Variants in TMPRSS9 observed in about 807,000 individuals in gnomAD.
TMPRSS9 encodes the protein transmembrane protease serine 9.
A neutral mutation model predicts 111.4 loss-of-function variants in TMPRSS9; 113 were observed. The ratio of observed to expected loss-of-function variants is 1.01; its 90% confidence interval spans 0.87 to 1.19. TMPRSS9 has a LOEUF of 1.19. Among genes scored for constraint, TMPRSS9 ranks in the 50% most tolerant of loss-of-function variants. TMPRSS9 has a pLI of 0.00. For synonymous variants in TMPRSS9, 805 were observed against 659.1 expected, an observed-to-expected ratio of 1.22 and a Z score of -3.39; for missense variants, 1,803 against 1,513.1, an observed-to-expected ratio of 1.19 and a Z score of -3.18.
chr19:2,408,398 C>T, exon 8 of TMPRSS9: 2 of 1,613,878 alleles, frequency 1.2e-6, no homozygotes, highest in Non-Finnish European at 1.7e-6. Context: ...TGGGTGCGAC[C>T]TACCTCAGCG....
chr19:2,416,748 G>C (rs764341567), exon 12 of TMPRSS9: 18 of 1,612,974 alleles, frequency 1.1e-5, no homozygotes, highest in Non-Finnish European at 1.5e-5. Context: ...TGGCCATCCA[G>C]AAGTTCCCTG....
intron 1 of TMPRSS9, among the ~76,000 whole-genome samples, chr19:2,363,012 G>A (rs932844797): frequency 2.0e-5 from 3 of 152,136 alleles, no homozygotes; most frequent in African/African-American, 7.2e-5. Context: ...TGGGGCATGG[G>A]GATCAGGGTC....
chr19:2,420,404 T>C (rs1203529292), intron 13 of TMPRSS9, among the ~76,000 whole-genome samples: 13 of 141,372 alleles, frequency 9.2e-5, no homozygotes, highest in Admixed American at 6.1e-4. Context: ...ATCATGTCAC[T>C]GCACTCCAGC....
intron 1 of TMPRSS9, among the ~76,000 whole-genome samples, chr19:2,375,578 A>C (rs559964862): frequency 2.6e-5 from 4 of 152,136 alleles, no homozygotes; most frequent in Admixed American, 2.6e-4. Context: ...TTGGCAGGCC[A>C]GGGTCCAGTG....
chr19:2,413,637 G>A (rs1436927846), intron 9 of TMPRSS9, 63 bp from the exon 11 acceptor site: 27 of 1,532,664 alleles, frequency 1.8e-5, no homozygotes, highest in South Asian at 3.6e-5. Context: ...CTTGGGCCTC[G>A]TAGCACTGGT....
chr19:2,415,730 C>T, exon 11 of TMPRSS9: 3 of 1,610,034 alleles, frequency 1.9e-6, no homozygotes, highest in South Asian at 1.1e-5. Flanking sequence ...TTCGGAGCTG[C>T]CTCCGGGGAG....
chr19:2,425,969 C>T (rs747763355), exon 18 of TMPRSS9: 3 of 1,606,970 alleles, frequency 1.9e-6, no homozygotes, highest in Non-Finnish European at 2.5e-6. Context: ...GCCCTCTGGA[C>T]GGTGGGTGCT....
intron 13 of TMPRSS9, among the ~76,000 whole-genome samples, chr19:2,419,234 G>C (rs571944517): frequency 5.6e-4 from 82 of 145,150 alleles, no homozygotes; most frequent in Non-Finnish European, 9.6e-4. Flanking sequence ...GACGGAGTCT[G>C]GCTCTGTCGC....
intron 1 of TMPRSS9, 182 bp from the exon 3 acceptor site, chr19:2,396,357 T>C: frequency 1.6e-6 from 1 of 637,896 alleles, no homozygotes; most frequent in Non-Finnish European, 2.4e-6. Flanking sequence ...CTTTTGGGAA[T>C]TGAGGGAGAG....
At chr19:2,380,159 A>G (rs577187880) in intron 1 of TMPRSS9, among the ~76,000 whole-genome samples, 47 of 152,192 alleles carry the variant, frequency 3.1e-4, no homozygotes, top group African/African-American at 9.6e-4. Flanking sequence ...ACTTAGTGGG[A>G]GAATCATGCA....
upstream of TMPRSS9, chr19:2,389,689 A>AC: frequency 6.9e-7 from 1 of 1,455,946 alleles, no homozygotes; most frequent in East Asian, 2.5e-5. Flanking sequence ...TATAGTTGCA[A>AC]CCCTTGCTTA....
intron 1 of TMPRSS9, among the ~76,000 whole-genome samples, chr19:2,366,595 C>A (rs576750777): frequency 1.3e-5 from 2 of 151,814 alleles, no homozygotes; most frequent in South Asian, 2.1e-4. Flanking sequence ...CGGTGGCTCA[C>A]GCCTGTAATC....
intron 1 of TMPRSS9, among the ~76,000 whole-genome samples, chr19:2,384,100 G>C (rs1206886442): frequency 6.6e-6 from 1 of 152,100 alleles, no homozygotes. Context: ...ACGTCCAGGG[G>C]ACCCCGCCCG....
At chr19:2,401,574 C>T (rs1323235678) in intron 4 of TMPRSS9, among the ~76,000 whole-genome samples, 1 of 152,052 alleles carries the variant, frequency 6.6e-6, no homozygotes, top group African/African-American at 2.4e-5. Flanking sequence ...CACTTTACTC[C>T]ATGACCTGCC....
chr19:2,378,919 CT>C (rs1970359295), intron 1 of TMPRSS9, among the ~76,000 whole-genome samples: 1 of 152,106 alleles, frequency 6.6e-6, no homozygotes, highest in African/African-American at 2.4e-5. Context: ...ACCATAAGAT[CT>C]TGTGAGAACT....
chr19:2,400,729 T>C (rs1265802210), intron 4 of TMPRSS9, among the ~76,000 whole-genome samples: 2 of 151,896 alleles, frequency 1.3e-5, no homozygotes, highest in East Asian at 3.9e-4. Flanking sequence ...ATCCCAGCAC[T>C]TTGGGAGGCC....
intron 8 of TMPRSS9, among the ~76,000 whole-genome samples, chr19:2,409,327 A>G (rs1971048350): frequency 6.6e-6 from 1 of 151,728 alleles, no homozygotes; most frequent in African/African-American, 2.4e-5. Flanking sequence ...ATTTTTTAGT[A>G]GAGACAAAGT....
intron 5 of TMPRSS9, 51 bp from the exon 7 acceptor site, chr19:2,403,020 TGCCTTACTCCA>T: frequency 1.6e-6 from 2 of 1,215,754 alleles, no homozygotes; most frequent in Non-Finnish European, 2.4e-6. Context: ...TATAGCATGG[TGCCTTACTCCA>T]ACCAGGAGAT....
chr19:2,419,228 G>C (rs1425581725), intron 13 of TMPRSS9, among the ~76,000 whole-genome samples: 1 of 143,946 alleles, frequency 6.9e-6, no homozygotes, highest in Admixed American at 7.2e-5. Flanking sequence ...CTTTCTGACG[G>C]AGTCTGGCTC....
Sources: gnomAD v4.1 joint callset for allele counts (sites outside exome capture counted in the v4.1 genomes callset) on GRCh38, gnomAD v4.1.1 for gene constraint, MANE v1.5 for transcripts, NCBI Gene and HGNC (gene_info 2026-07-23, HGNC 2026-07-21) for gene names.